Variants in AK5 observed in about 807,000 individuals in gnomAD.
AK5 encodes adenylate kinase isoenzyme 5.
Under a neutral mutation model 69.5 loss-of-function variants are expected in AK5, and 27 were observed. The observed-to-expected ratio is 0.39, with a 90% CI of 0.29 to 0.54. The LOEUF (loss-of-function observed/expected upper bound fraction) is 0.54. Among genes scored for constraint, AK5 ranks in the 20% least tolerant of loss-of-function variants. The pLI is 0.71. For missense variants in AK5, 531 were observed against 700.4 expected, an observed-to-expected ratio of 0.76 and a Z score of 2.73; for synonymous variants, 260 against 244.4, an observed-to-expected ratio of 1.06 and a Z score of -0.60.
At chr1:77,306,234 G>A (rs1163321905) in intron 5 of AK5, among the ~76,000 whole-genome samples, 1 of 152,068 alleles carries the variant, frequency 6.6e-6, no homozygotes, top group Non-Finnish European at 1.5e-5. Flanking sequence ...TATGGCTTTT[G>A]TTATGTTGAG....
At chr1:77,391,439 A>G (rs894251934) in intron 6 of AK5, among the ~76,000 whole-genome samples, 1 of 102,164 alleles carries the variant, frequency 9.8e-6, no homozygotes, top group Non-Finnish European at 1.8e-5. Context: ...ATACATATAT[A>G]CATATATGTG....
chr1:77,461,415 AG>A (rs1345147203), intron 8 of AK5, among the ~76,000 whole-genome samples: 2 of 151,212 alleles, frequency 1.3e-5, no homozygotes, highest in Non-Finnish European at 3.0e-5. Context: ...GTTAGTGGGG[AG>A]GGGGGAATGG....
At chr1:77,443,101 A>G (rs540447212) in intron 8 of AK5, among the ~76,000 whole-genome samples, 4 of 152,310 alleles carry the variant, frequency 2.6e-5, no homozygotes, top group Admixed American at 2.0e-4. Context: ...ATCTTCTGTA[A>G]TAATTAAACA....
At chr1:77,298,613 G>T (rs1034232662) in intron 5 of AK5, among the ~76,000 whole-genome samples, 1 of 150,778 alleles carries the variant, frequency 6.6e-6, no homozygotes, top group African/African-American at 2.4e-5. Flanking sequence ...AGACCAGCCT[G>T]GGCAATATGA....
At chr1:77,526,068 T>C (rs780240479) in intron 12 of AK5, among the ~76,000 whole-genome samples, 1 of 152,208 alleles carries the variant, frequency 6.6e-6, no homozygotes, top group Non-Finnish European at 1.5e-5. Flanking sequence ...AAGCCTTCCA[T>C]GGATTGTTTT....
intron 5 of AK5, among the ~76,000 whole-genome samples, chr1:77,323,532 G>C (rs1366564794): frequency 6.6e-6 from 1 of 152,052 alleles, no homozygotes; most frequent in South Asian, 2.1e-4. Context: ...TATTATTTTT[G>C]TACATATAAA....
chr1:77,288,823 T>A (rs1444644677), intron 2 of AK5, among the ~76,000 whole-genome samples: 1 of 152,126 alleles, frequency 6.6e-6, no homozygotes, highest in Non-Finnish European at 1.5e-5. Flanking sequence ...GCATTCTGAG[T>A]CTTAGAGAGC....
intron 8 of AK5, among the ~76,000 whole-genome samples, chr1:77,444,792 G>A (rs1349583497): frequency 1.3e-5 from 2 of 149,598 alleles, no homozygotes; most frequent in Admixed American, 1.3e-4. Context: ...GACCCCAGGG[G>A]TCTTGAACTC....
At chr1:77,398,743 C>T (rs1330983946) in intron 6 of AK5, among the ~76,000 whole-genome samples, 2 of 152,022 alleles carry the variant, frequency 1.3e-5, no homozygotes, top group Non-Finnish European at 2.9e-5. Flanking sequence ...GTATTTTAGT[C>T]CTCACTAGTG....
At chr1:77,339,880 A>G (rs557947081) in intron 5 of AK5, among the ~76,000 whole-genome samples, 3 of 152,218 alleles carry the variant, frequency 2.0e-5, no homozygotes, top group East Asian at 1.9e-4. Flanking sequence ...TCAGCCTCCC[A>G]AAGTGCTGAA....
intron 10 of AK5, among the ~76,000 whole-genome samples, chr1:77,512,579 G>C (rs1384250376): frequency 6.6e-6 from 1 of 152,142 alleles, no homozygotes. Flanking sequence ...ACATGTGCTA[G>C]TTCAACCATT....
intron 10 of AK5, among the ~76,000 whole-genome samples, chr1:77,489,830 G>A (rs60207382): frequency 0.047 from 7,135 of 152,010 alleles, 355 homozygotes; most frequent in East Asian, 0.2. Context: ...CCCATTTCCC[G>A]CCACACTCCC....
chr1:77,314,691 T>C (rs1465141463), intron 5 of AK5: 2 of 152,132 alleles, frequency 1.3e-5, no homozygotes, highest in Admixed American at 6.5e-5. Flanking sequence ...AACTATATAT[T>C]TATTGTTAAG....
intron 12 of AK5, among the ~76,000 whole-genome samples, chr1:77,526,266 G>A (rs1387888055): frequency 6.6e-6 from 1 of 151,996 alleles, no homozygotes; most frequent in Non-Finnish European, 1.5e-5. Flanking sequence ...GAAGCTTCCT[G>A]TCTATGAGGA....
intron 13 of AK5, among the ~76,000 whole-genome samples, chr1:77,556,570 C>T (rs796386576): frequency 1.2e-4 from 18 of 152,194 alleles, no homozygotes; most frequent in African/African-American, 3.9e-4. Context: ...AGTTGGGGAA[C>T]GACAAACAGT....
At chr1:77,325,161 G>GTTTTTTTTTTTTTTTTTTTTT (rs369801549) in intron 5 of AK5, among the ~76,000 whole-genome samples, 1 of 123,252 alleles carries the variant, frequency 8.1e-6, no homozygotes, top group Non-Finnish European at 1.8e-5. Flanking sequence ...TAGGTTTTTT[G>GTTTTTTTTTTTTTTTTTTTTT]TTTTTTTTTT....
At chr1:77,541,936 T>A (rs1052732493) in intron 13 of AK5, among the ~76,000 whole-genome samples, 7 of 152,192 alleles carry the variant, frequency 4.6e-5, no homozygotes, top group Non-Finnish European at 1.0e-4. Context: ...GGGGCTTTTT[T>A]ATTTTTTTCT....
In AK5 at chr1:77,559,474, CATGAG is replaced by C. The variant is rs1660321311; in HGVS notation, c.*807_*811del. ...TAAATGACCAAAAGTAACTTAAAAGCATGAGATATTTGCTATTTCATTCATTGGGC... is the reference window on the plus strand; with the variant it reads ...TAAATGACCAAAAGTAACTTAAAAGCATATTTGCTATTTCATTCATTGGGC... On this transcript the variant is annotated 3_prime_UTR_variant, in exon 14 of 14. Transcript: ENST00000354567. 1 of 152,100 alleles carries C rather than the reference CATGAG, an allele frequency of 6.6e-6. No homozygotes were observed. Among genetic ancestry groups the C allele is most frequent in the East Asian group, 1.9e-4 (1 of 5,200 alleles). 9.4% of individuals were successfully genotyped at this position (152,100 alleles called of 1,614,324 possible). A position where few individuals can be genotyped will look rare whatever the true frequency, so the allele number is the denominator to read the frequency against.
At chr1:77,492,011 G>A (rs1358187899) in intron 10 of AK5, among the ~76,000 whole-genome samples, 2 of 152,090 alleles carry the variant, frequency 1.3e-5, no homozygotes, top group Non-Finnish European at 2.9e-5. Context: ...AGATTCTCAA[G>A]TCTGAAAAAA....
Sources: allele counts gnomAD v4.1 joint callset (sites outside exome capture counted in the v4.1 genomes callset), GRCh38; gene constraint gnomAD v4.1.1; transcripts MANE v1.5; gene names NCBI Gene and HGNC (gene_info 2026-07-23, HGNC 2026-07-21).